The following ALKBH8 variants were observed in gnomAD, a reference collection of about 807,000 sequenced individuals.
The protein encoded by ALKBH8 is tRNA (carboxymethyluridine(34)-5-O)-methyltransferase ALKBH8.
In ALKBH8, 36 loss-of-function variants were observed where a neutral mutation model predicts 59.8. The observed-to-expected ratio is 0.60, with a 90% CI of 0.46 to 0.79. The LOEUF is 0.79. Among genes scored for constraint, ALKBH8 ranks in the 30% least tolerant of loss-of-function variants. The probability of loss-of-function intolerance (pLI) is 0.00; values close to 1 mark genes in which losing one functional copy is unlikely to be tolerated. For synonymous variants in ALKBH8, 276 were observed against 273.6 expected (o/e 1.01, Z -0.09); for missense variants, 768 against 801.0 (o/e 0.96, Z 0.50).
At chr11:107,519,165 G>C (rs1862999832) in intron 10 of ALKBH8, among the ~76,000 whole-genome samples, 1 of 152,022 alleles carries the variant, frequency 6.6e-6, no homozygotes, top group Admixed American at 6.6e-5. Flanking sequence ...GAGTGCAATG[G>C]TGGGATCTTG....
Position 107,504,586 on chromosome 11 carries a change from GTAAT to G in ALKBH8, c.*68_*71del, listed in dbSNP as rs1027308100. 9.4e-6 allele frequency: 14 copies of G among 1,491,238 alleles called. No homozygotes were observed. In the African/African-American group the frequency reaches 1.8e-4, roughly 19 times the overall value. 92.4% of individuals were successfully genotyped at this position (1,491,238 alleles called of 1,614,324 possible). ...ACAAGTTTTCTCTTTAATTAAAAGGGTAATTAATTTATTCTCTCTTTTTTTTTAA... is the reference window on the plus strand; with the variant it reads ...ACAAGTTTTCTCTTTAATTAAAAGGGTAATTTATTCTCTCTTTTTTTTTAA... On this transcript the variant is annotated 3_prime_UTR_variant, in exon 12 of 12. Coordinates refer to ENST00000428149, the MANE Select transcript of ALKBH8 (RefSeq NM_138775.3).
At chr11:107,532,745 C>T (rs1863650600) in intron 7 of ALKBH8, among the ~76,000 whole-genome samples, 1 of 152,094 alleles carries the variant, frequency 6.6e-6, no homozygotes, top group Non-Finnish European at 1.5e-5. Context: ...AACACAGGGA[C>T]TTTGGAGCTG....
intron 2 of ALKBH8, among the ~76,000 whole-genome samples, chr11:107,559,381 AAAAG>A (rs1410235144): frequency 2.6e-5 from 4 of 152,226 alleles, no homozygotes; most frequent in African/African-American, 9.6e-5. Context: ...ATATGGAGAA[AAAAG>A]AAAGCCTAAA....
At chr11:107,541,581 C>G (rs1315286714) in intron 7 of ALKBH8, among the ~76,000 whole-genome samples, 1 of 152,234 alleles carries the variant, frequency 6.6e-6, no homozygotes, top group Non-Finnish European at 1.5e-5. Context: ...TAAAATCCCA[C>G]TGTCCTTGGA....
intron 3 of ALKBH8, among the ~76,000 whole-genome samples, chr11:107,555,443 G>A (rs540704726): frequency 2.0e-5 from 3 of 152,112 alleles, no homozygotes; most frequent in Non-Finnish European, 2.9e-5. Flanking sequence ...CATGGAGGAC[G>A]GGGGTAAACC....
intron 4 of ALKBH8, 43 bp downstream of exon 4, chr11:107,553,804 T>G (rs746990862): frequency 1.3e-6 from 2 of 1,582,908 alleles, no homozygotes; most frequent in Non-Finnish European, 1.7e-6. Context: ...AAGAAGAGTT[T>G]TGCAGAAACT....
At chr11:107,510,105 T>C (rs1862560112) in intron 11 of ALKBH8, among the ~76,000 whole-genome samples, 1 of 152,166 alleles carries the variant, frequency 6.6e-6, no homozygotes, top group Non-Finnish European at 1.5e-5. Flanking sequence ...GCAGAATCTC[T>C]TGGTTACTAT....
In ALKBH8 at chr11:107,532,385, G is replaced by T; in HGVS notation, c.793C>A (p.Pro265Thr). ...GSEIVMDFKH[P>T]DGIAVPVMLP... ...ATAACTGGCACTGCAATGCCATCTG[G>T]GTGCTTAAAATCCATGACAATCTTG... is the stretch of plus-strand genomic sequence containing the variant. Residue 265 changes from proline (P) to threonine (T), a missense_variant, in exon 8 of 12, where the codon CCA (proline) becomes ACA (threonine). By Grantham distance (38) the Pro-to-Thr change is conservative. Coordinates refer to ENST00000428149, the MANE Select transcript of ALKBH8 (RefSeq NM_138775.3). 2 of 1,613,138 alleles carry T rather than the reference G, an allele frequency of 1.2e-6. No individual in the cohort carries two copies. Among genetic ancestry groups the T allele is most frequent in the Non-Finnish European group, 1.7e-6 (2 of 1,179,394 alleles).
At chr11:107,558,923 C>T (rs181916231) in intron 2 of ALKBH8, among the ~76,000 whole-genome samples, 161 of 152,152 alleles carry the variant, frequency 1.1e-3, no homozygotes, top group African/African-American at 3.8e-3. Context: ...ATAATACATC[C>T]GATATGGTTT....
rs373301760 is a variant in ALKBH8 at position 107,521,780 on chromosome 11, C to T, written c.1287+519G>A. Reference sequence around the variant, plus strand: ...CAAGTTTTTAATCTGTTTGAGACTTCCTTTCCTCAACAGTAAGATACCAAT... The same window carrying T: ...CAAGTTTTTAATCTGTTTGAGACTTTCTTTCCTCAACAGTAAGATACCAAT... On this transcript the variant is annotated intron_variant, in intron 10 of 11. Coordinates refer to ENST00000428149, the MANE Select transcript of ALKBH8 (RefSeq NM_138775.3). Among the ~76,000 whole-genome samples, 309 of 152,172 alleles carry T rather than the reference C, an allele frequency of 2.0e-3. 2 individuals carry two copies. Among genetic ancestry groups the T allele is most frequent in the African/African-American group, 7.2e-3 (299 of 41,528 alleles).
intron 7 of ALKBH8, among the ~76,000 whole-genome samples, chr11:107,543,547 C>T (rs1404790676): frequency 6.6e-6 from 1 of 152,184 alleles, no homozygotes; most frequent in East Asian, 1.9e-4. Flanking sequence ...TGATAGACAA[C>T]TCTCCAATAT....
chr11:107,538,547 C>A lies in ALKBH8; in HGVS notation c.772-6141G>T, dbSNP rs538163231. ...GAGTCAATAAAGATCAAGTGCCCAG[C>A]AAGCTTATAGGGCATGACTGAGGAT... On this transcript the variant is annotated intron_variant, in intron 7 of 11. Transcript: ENST00000428149. Among the ~76,000 whole-genome samples the A allele has an allele frequency of 4.6e-5, 7 of 152,264 alleles. No individual in the cohort carries two copies. In the South Asian group the frequency reaches 1.4e-3, roughly 32 times the overall value.
intron 9 of ALKBH8, 104 bp from the exon 10 acceptor site, chr11:107,522,659 A>G (rs1316400462): frequency 1.5e-5 from 19 of 1,286,416 alleles, no homozygotes; most frequent in Non-Finnish European, 1.9e-5. Flanking sequence ...TTTGGTGGGT[A>G]GACAGACTCT....
chr11:107,560,634 A>C, intron 2 of ALKBH8, 131 bp downstream of exon 2: 3 of 823,942 alleles, frequency 3.6e-6, no homozygotes, highest in Non-Finnish European at 5.3e-6. Flanking sequence ...TTCATATCAT[A>C]TGTACCTCTA....
chr11:107,514,427 G>C (rs17107087), intron 10 of ALKBH8, among the ~76,000 whole-genome samples: 19,553 of 152,024 alleles, frequency 0.13, 1,515 homozygotes, highest in Admixed American at 0.21. Flanking sequence ...TTTTATCCTG[G>C]AGCTGCTTTA....
At chr11:107,562,388 A>G (rs1016056429) in intron 1 of ALKBH8, among the ~76,000 whole-genome samples, 1 of 152,136 alleles carries the variant, frequency 6.6e-6, no homozygotes, top group African/African-American at 2.4e-5. Context: ...AGAACACTAT[A>G]GAATCAAATA....
At chr11:107,554,041 C>G (rs1214245570) in intron 3 of ALKBH8, 63 bp from the exon 4 acceptor site, 2 of 1,578,926 alleles carry the variant, frequency 1.3e-6, no homozygotes, top group Admixed American at 3.7e-5. Flanking sequence ...ACAAATAATT[C>G]TGCCCAATAA....
rs369905576 is a variant in ALKBH8 at position 107,540,010 on chromosome 11, G to A, written c.772-7604C>T. Among the ~76,000 whole-genome samples, 21 of 152,312 alleles carry A rather than the reference G, an allele frequency of 1.4e-4. No homozygotes were observed. In the East Asian group the frequency reaches 1.7e-3, roughly 13 times the overall value. On this transcript the variant is annotated intron_variant, in intron 7 of 11. Transcript: ENST00000428149. Reference sequence around the variant, plus strand: ...TGCCCTATGGCATCAAAGAGTGGGCGATGAAGTGTTACGGGCAGCAGCTAA... The same window carrying A: ...TGCCCTATGGCATCAAAGAGTGGGCAATGAAGTGTTACGGGCAGCAGCTAA...
intron 8 of ALKBH8, among the ~76,000 whole-genome samples, chr11:107,530,675 C>T (rs1863558640): frequency 6.6e-6 from 1 of 150,708 alleles, no homozygotes; most frequent in Admixed American, 6.6e-5. Flanking sequence ...CAATGTGTAT[C>T]AATGGCAGCC....
Sources: gnomAD v4.1 joint callset for allele counts (sites outside exome capture counted in the v4.1 genomes callset) on GRCh38, gnomAD v4.1.1 for gene constraint, MANE v1.5 for transcripts, NCBI Gene and HGNC (gene_info 2026-07-23, HGNC 2026-07-21) for gene names.